Variants in TPT1 observed in about 807,000 individuals in gnomAD.
The protein encoded by TPT1 is translationally-controlled tumor protein.
In TPT1, 5 loss-of-function variants were observed where a neutral mutation model predicts 22.8. The observed-to-expected ratio is 0.22, with a 90% CI of 0.11 to 0.46. The LOEUF (loss-of-function observed/expected upper bound fraction) is 0.46, where lower values mean the gene tolerates loss of function less well. Ranked by LOEUF, TPT1 falls within the 20% of genes least tolerant of loss-of-function variation. The pLI is 0.99. For missense variants in TPT1, 130 were observed against 218.7 expected, an observed-to-expected ratio of 0.59 and a Z score of 2.56; for synonymous variants, 89 against 73.6, an observed-to-expected ratio of 1.21 and a Z score of -1.07.
Position 45,336,409 on chromosome 13 carries a change from G to C in TPT1, c.*977C>G, listed in dbSNP as rs1878700929. 6.6e-6 allele frequency: 1 copy of C among 152,212 alleles called. No homozygotes were observed. The allele number at this position is 152,212 out of a possible 1,614,324, so 9.4% of individuals were successfully genotyped here. Reference sequence around the variant, plus strand: ...TGCATCTGTGGTGGAAACCATAGCAGCAGATAGCAACTGCTCCAGGTCTGT... The same window carrying C: ...TGCATCTGTGGTGGAAACCATAGCACCAGATAGCAACTGCTCCAGGTCTGT... On this transcript the variant is annotated 3_prime_UTR_variant, in exon 6 of 6. Coordinates refer to ENST00000530705, the MANE Select transcript of TPT1 (RefSeq NM_003295.4).
At chr13:45,339,729 T>C in intron 3 of TPT1, 127 bp from the exon 4 acceptor site, 2 of 836,604 alleles carry the variant, frequency 2.4e-6, no homozygotes, top group Non-Finnish European at 3.7e-6. Context: ...AAGAAATTAC[T>C]AGTTCACAGA....
chr13:45,340,265 G>A lies in TPT1; in HGVS notation c.103-81C>T, dbSNP rs2234219. 8.8e-4 allele frequency: 1,317 copies of A among 1,488,260 alleles called. 14 individuals are homozygous for A. The African/African-American group carries it at 0.016, about 18-fold the overall frequency. The allele number at this position is 1,488,260 out of a possible 1,614,324, so 92.2% of individuals were successfully genotyped here. On this transcript the variant is annotated intron_variant, in intron 2 of 5. Transcript: ENST00000530705. Reference sequence around the variant, plus strand: ...TTCCACGCCAATAGTTCACGGATAAGAAGTATTCTTAGTTCTTGCTGAAAA... The same window carrying A: ...TTCCACGCCAATAGTTCACGGATAAAAAGTATTCTTAGTTCTTGCTGAAAA...
Position 45,337,275 on chromosome 13 carries a change from G to T in TPT1, c.*111C>A. 6 of 1,012,166 alleles carry T rather than the reference G, an allele frequency of 5.9e-6. No individual in the cohort carries two copies. The highest frequency in any genetic ancestry group is 1.6e-5 in the African/African-American group (1 of 62,166). 62.7% of individuals were successfully genotyped at this position (1,012,166 alleles called of 1,614,324 possible). On this transcript the variant is annotated 3_prime_UTR_variant, in exon 6 of 6. Transcript: ENST00000530705. The stretch of plus-strand genomic sequence containing the variant: ...ATAAATCACAGTCAAAATAAATGAA[G>T]AGCTCAAGATGACATCAGTCCCATT...
chr13:45,337,455 C>T lies in TPT1; in HGVS notation c.517-67G>A. 1.2e-6 allele frequency: 2 copies of T among 1,614,096 alleles called. 1 individual carries two copies. The highest frequency in any genetic ancestry group is 3.3e-4 in the Middle Eastern group (2 of 6,062). On this transcript the variant is annotated intron_variant, in intron 5 of 5. Coordinates refer to ENST00000530705, the MANE Select transcript of TPT1 (RefSeq NM_003295.4). ...ACTGCAAAAGTTACATTACCATTAA[C>T]ATGCAGCCTACATTTCCAGGCTAAA...
At chr13:45,339,761 A>C (rs1431008783) in intron 3 of TPT1, 159 bp from the exon 4 acceptor site, 42 of 775,624 alleles carry the variant, frequency 5.4e-5, no homozygotes, top group Non-Finnish European at 8.4e-5. Flanking sequence ...AAGAATGTTT[A>C]CATTTCTTGT....
At chr13:45,340,896 T>G in intron 1 of TPT1, 111 bp from the exon 2 acceptor site, 1 of 1,487,854 alleles carries the variant, frequency 6.7e-7, no homozygotes, top group Non-Finnish European at 9.0e-7. Context: ...ACACCAGAGC[T>G]GGGCGCGAGC....
rs563766469 is a variant in TPT1 at position 45,340,225 on chromosome 13, C to T, written c.103-41G>A. Reference sequence around the variant, plus strand: ...GCAGTATAATTGCAAAAGACACAAACGCATCCAAAGCACCTTCCACGCCAA... The same window carrying T: ...GCAGTATAATTGCAAAAGACACAAATGCATCCAAAGCACCTTCCACGCCAA... On this transcript the variant is annotated intron_variant, in intron 2 of 5. Transcript: ENST00000530705. 18 of 1,585,206 alleles carry T rather than the reference C, an allele frequency of 1.1e-5. No individual in the cohort carries two copies. The African/African-American group carries it at 1.5e-4, about 13-fold the overall frequency.
At chr13:45,338,374 C>T (rs369770585) in intron 5 of TPT1, 20 of 428,618 alleles carry the variant, frequency 4.7e-5, no homozygotes, top group African/African-American at 2.9e-4. Flanking sequence ...CCCACCTCGG[C>T]GTCCCAAGTG....
intron 3 of TPT1, 53 bp from the exon 4 acceptor site, chr13:45,339,655 A>AT (rs1274486434): frequency 6.7e-7 from 1 of 1,491,756 alleles, no homozygotes; most frequent in African/African-American, 1.4e-5. Context: ...AGTAAAATCA[A>AT]TTTTTAAAGT....
chr13:45,338,959 C>G (rs1195915452), intron 4 of TPT1, 183 bp from the exon 5 acceptor site: 1 of 496,628 alleles, frequency 2.0e-6, no homozygotes, highest in Non-Finnish European at 3.5e-6. Context: ...TTAATAGTGA[C>G]CTAAATAGAA....
At chr13:45,337,555 T>C in intron 5 of TPT1, 167 bp from the exon 6 acceptor site, 2 of 1,611,060 alleles carry the variant, frequency 1.2e-6, no homozygotes, top group South Asian at 2.2e-5. Flanking sequence ...TTTTGCATCC[T>C]AGTGCAAACC....
chr13:45,340,459 C>T, intron 2 of TPT1: 1 of 736,538 alleles, frequency 1.4e-6, no homozygotes, highest in Non-Finnish European at 2.4e-6. Context: ...AGGACAAACA[C>T]GAAAGGACTC....
At chr13:45,339,311 A>C in intron 4 of TPT1, 186 bp downstream of exon 4, 1 of 489,672 alleles carries the variant, frequency 2.0e-6, no homozygotes, top group East Asian at 3.2e-5. Flanking sequence ...CAAAAAGAAA[A>C]ACTGAGAAAT....
chr13:45,340,246 G>C, intron 2 of TPT1, 62 bp from the exon 3 acceptor site: 1 of 1,535,542 alleles, frequency 6.5e-7, no homozygotes, highest in Non-Finnish European at 8.9e-7. Flanking sequence ...CACCTTCCAC[G>C]CCAATAGTTC....
intron 3 of TPT1, 152 bp downstream of exon 3, chr13:45,339,842 A>G: frequency 1.1e-6 from 1 of 900,018 alleles, no homozygotes; most frequent in South Asian, 1.8e-5. Flanking sequence ...CTCATATTAT[A>G]GAAAAGCAAC....
At chr13:45,337,609 G>C (rs1168739425) in intron 5 of TPT1, 2 of 1,571,972 alleles carry the variant, frequency 1.3e-6, no homozygotes, top group East Asian at 2.2e-5. Context: ...AGTGGATGCA[G>C]AACACCCTTA....
Position 45,336,769 on chromosome 13 carries a change from G to C in TPT1, c.*617C>G, listed in dbSNP as rs994833385. 11 of 152,732 alleles carry C rather than the reference G, an allele frequency of 7.2e-5. No homozygotes were observed. The highest frequency in any genetic ancestry group is 2.2e-4 in the African/African-American group (9 of 41,436). The allele number at this position is 152,732 out of a possible 1,614,324, so 9.5% of individuals were successfully genotyped here. ...GTGTACAAAACAGGTGGTCAGATAG[G>C]CTAGTTTGCCAGTCCCTGTTCTAGT... On this transcript the variant is annotated 3_prime_UTR_variant, in exon 6 of 6. Coordinates refer to ENST00000530705, the MANE Select transcript of TPT1 (RefSeq NM_003295.4).
chr13:45,340,233 A>G (rs1478594958), intron 2 of TPT1, 49 bp from the exon 3 acceptor site: 1 of 1,572,652 alleles, frequency 6.4e-7, no homozygotes, highest in Admixed American at 1.8e-5. Flanking sequence ...AACGCATCCA[A>G]AGCACCTTCC....
At chr13:45,340,956 G>A (rs7317581) in intron 1 of TPT1, 86 bp downstream of exon 1, 45,487 of 1,550,694 alleles carry the variant, frequency 0.029, 1,897 homozygotes, top group African/African-American at 0.2. Flanking sequence ...GCGTCCCCTA[G>A]GCCCGCGACG....
Sources: gnomAD v4.1 joint callset for allele counts on GRCh38, gnomAD v4.1.1 for gene constraint, MANE v1.5 for transcripts, NCBI Gene and HGNC (gene_info 2026-07-23, HGNC 2026-07-21) for gene names.